Variants in RFTN2 observed in about 807,000 individuals in gnomAD.
The protein encoded by RFTN2 is raftlin family member 2, also known as raftlin-2.
In RFTN2, 34 loss-of-function variants were observed where a neutral mutation model predicts 52.7. The observed-to-expected ratio is 0.64, with a 90% CI of 0.49 to 0.86. The LOEUF is 0.86. Among genes scored for constraint, RFTN2 ranks in the 40% least tolerant of loss-of-function variants. The probability of loss-of-function intolerance (pLI) is 0.00; values close to 1 mark genes in which losing one functional copy is unlikely to be tolerated. For synonymous variants in RFTN2, 203 were observed against 217.7 expected (o/e 0.93, Z 0.59); for missense variants, 536 against 600.1 (o/e 0.89, Z 1.12).
chr2:197,654,091 G>C (rs2088859923), intron 1 of RFTN2, among the ~76,000 whole-genome samples: 1 of 152,166 alleles, frequency 6.6e-6, no homozygotes, highest in Non-Finnish European at 1.5e-5. Flanking sequence ...CCACAGGCCT[G>C]GCCAAGGAAA....
intron 7 of RFTN2, among the ~76,000 whole-genome samples, chr2:197,615,133 G>T (rs2088121624): frequency 6.6e-6 from 1 of 152,210 alleles, no homozygotes; most frequent in Admixed American, 6.5e-5. Context: ...GGCCAGAAAA[G>T]GTGAGTGAAG....
At chr2:197,579,861 C>A (rs2087476372) in intron 8 of RFTN2, among the ~76,000 whole-genome samples, 2 of 152,086 alleles carry the variant, frequency 1.3e-5, no homozygotes, top group African/African-American at 4.8e-5. Flanking sequence ...CTATCACTGC[C>A]CCTCCTCACA....
intron 1 of RFTN2, among the ~76,000 whole-genome samples, chr2:197,647,124 T>A (rs543052892): frequency 7.9e-5 from 12 of 152,170 alleles, no homozygotes; most frequent in Non-Finnish European, 1.6e-4. Context: ...TGACTATATT[T>A]CCATTAATAG....
intron 4 of RFTN2, among the ~76,000 whole-genome samples, 176 bp downstream of exon 4, chr2:197,633,542 C>G (rs1376920156): frequency 1.3e-5 from 2 of 152,132 alleles, no homozygotes; most frequent in African/African-American, 4.8e-5. Context: ...GTCTAAAAAA[C>G]TGCCCTGCCT....
intron 3 of RFTN2, among the ~76,000 whole-genome samples, chr2:197,639,327 C>T (rs1468990411): frequency 1.3e-5 from 2 of 150,034 alleles, no homozygotes; most frequent in Non-Finnish European, 3.0e-5. Context: ...TAATATCCTG[C>T]AGAGTGTTTT....
chr2:197,606,823 G>A (rs1026455405), intron 7 of RFTN2, among the ~76,000 whole-genome samples: 1 of 150,714 alleles, frequency 6.6e-6, no homozygotes, highest in Admixed American at 6.6e-5. Flanking sequence ...TAAAAAGTCA[G>A]GAAACAACAG....
At chr2:197,657,757 TTGTAA>T (rs1330609112) in intron 1 of RFTN2, among the ~76,000 whole-genome samples, 5 of 152,086 alleles carry the variant, frequency 3.3e-5, no homozygotes, top group Non-Finnish European at 7.4e-5. Context: ...ACATTGGGAG[TTGTAA>T]TGTAAACACT....
At chr2:197,624,328 G>A (rs975588711) in intron 5 of RFTN2, among the ~76,000 whole-genome samples, 4 of 152,078 alleles carry the variant, frequency 2.6e-5, no homozygotes, top group East Asian at 1.9e-4. Flanking sequence ...GGCGTGGCGC[G>A]GTGACTCATG....
At chr2:197,656,463 C>A (rs1262477819) in intron 1 of RFTN2, among the ~76,000 whole-genome samples, 1 of 152,144 alleles carries the variant, frequency 6.6e-6, no homozygotes, top group Non-Finnish European at 1.5e-5. Flanking sequence ...ATATTAACTT[C>A]ATAGAGTTAT....
chr2:197,609,403 A>G lies in RFTN2; in HGVS notation c.1154+6473T>C, dbSNP rs184281261. Among the ~76,000 whole-genome samples the G allele has an allele frequency of 2.9e-3, 447 of 152,300 alleles. 2 individuals carry two copies. Among genetic ancestry groups the G allele is most frequent in the Middle Eastern group, 0.017 (5 of 294 alleles). ...GACCAGTGATGATGAGCATTTTTTC[A>G]TAAGTTTGTTGGCTACATAAATGTC... On this transcript the variant is annotated intron_variant, in intron 7 of 8. Transcript: ENST00000295049.
intron 8 of RFTN2, among the ~76,000 whole-genome samples, chr2:197,594,744 C>T (rs754820963): frequency 6.6e-6 from 1 of 152,140 alleles, no homozygotes; most frequent in Non-Finnish European, 1.5e-5. Flanking sequence ...TGTACTTGGT[C>T]ATTCTATTCT....
At chr2:197,604,390 T>C (rs2106196977) in intron 7 of RFTN2, among the ~76,000 whole-genome samples, 1 of 152,282 alleles carries the variant, frequency 6.6e-6, no homozygotes. Context: ...CATAGTAGAA[T>C]GAATAAATAA....
At chr2:197,607,734 T>C (rs962923019) in intron 7 of RFTN2, among the ~76,000 whole-genome samples, 1 of 152,210 alleles carries the variant, frequency 6.6e-6, no homozygotes, top group Non-Finnish European at 1.5e-5. Context: ...TTTGCAGCTA[T>C]GTGCTTAGTC....
At chr2:197,672,434 C>A (rs1401250293) in intron 1 of RFTN2, among the ~76,000 whole-genome samples, 1 of 152,050 alleles carries the variant, frequency 6.6e-6, no homozygotes, top group South Asian at 2.1e-4. Context: ...GATTATGTAT[C>A]AGAGGGGAAA....
At chr2:197,629,673 T>TAC (rs1319088128) in intron 5 of RFTN2, among the ~76,000 whole-genome samples, 6 of 73,920 alleles carry the variant, frequency 8.1e-5, no homozygotes, top group Admixed American at 2.6e-4. Context: ...TTTTAATTTT[T>TAC]ATACACACAC....
In RFTN2 at chr2:197,570,014, T is replaced by A. The variant is rs1462468867; in HGVS notation, c.*1994A>T. 6.6e-6 allele frequency: 1 copy of A among 151,964 alleles called. No homozygotes were observed. The highest frequency in any genetic ancestry group is 1.5e-5 in the Non-Finnish European group (1 of 67,980). The allele number at this position is 151,964 out of a possible 1,614,324, so 9.4% of individuals were successfully genotyped here. A position where few individuals can be genotyped will look rare whatever the true frequency, so the allele number is the denominator to read the frequency against. The stretch of plus-strand genomic sequence containing the variant: ...TATAAATTCCTATCTCTGTTTTTAA[T>A]TTACTACTTCCAATCCCCTATGTAT... On this transcript the variant is annotated 3_prime_UTR_variant, in exon 9 of 9. Transcript: ENST00000295049.
chr2:197,616,618 T>C (rs1042579140), intron 6 of RFTN2, among the ~76,000 whole-genome samples: 1 of 152,096 alleles, frequency 6.6e-6, no homozygotes, highest in African/African-American at 2.4e-5. Context: ...ACGAGTTCCT[T>C]AGCGGATTTG....
At chr2:197,673,086 G>GA (rs2089168786) in intron 1 of RFTN2, among the ~76,000 whole-genome samples, 2 of 152,082 alleles carry the variant, frequency 1.3e-5, no homozygotes, top group African/African-American at 4.8e-5. Context: ...CCTCTATTTG[G>GA]AAAAAACAGA....
At chr2:197,589,264 T>C (rs1374971152) in intron 8 of RFTN2, among the ~76,000 whole-genome samples, 2 of 117,424 alleles carry the variant, frequency 1.7e-5, no homozygotes, top group African/African-American at 6.1e-5. Context: ...GGAGTTCCCC[T>C]GCACAAGCCC....
Sources: gnomAD v4.1 joint callset for allele counts (sites outside exome capture counted in the v4.1 genomes callset) on GRCh38, gnomAD v4.1.1 for gene constraint, MANE v1.5 for transcripts, NCBI Gene and HGNC (gene_info 2026-07-23, HGNC 2026-07-21) for gene names.